CNTN5: variants seen among roughly 807,000 people sequenced by gnomAD.
CNTN5 encodes contactin 5, also known as contactin-5.
Under a neutral mutation model 129.1 loss-of-function variants are expected in CNTN5, and 77 were observed. The observed-to-expected ratio is 0.60, with a 90% CI of 0.50 to 0.72. CNTN5 has a LOEUF of 0.72. Among genes scored for constraint, CNTN5 ranks in the 30% least tolerant of loss-of-function variants. The probability of loss-of-function intolerance (pLI) is 0.00; values close to 1 mark genes in which losing one functional copy is unlikely to be tolerated. For missense variants in CNTN5, 1,478 were observed against 1,328.8 expected, an observed-to-expected ratio of 1.11 and a Z score of -1.75; for synonymous variants, 509 against 465.6, an observed-to-expected ratio of 1.09 and a Z score of -1.20.
At chr11:99,364,163 A>G (rs1274681075) in intron 2 of CNTN5, among the ~76,000 whole-genome samples, 1 of 152,154 alleles carries the variant, frequency 6.6e-6, no homozygotes, top group Non-Finnish European at 1.5e-5. Context: ...TTTATAAATT[A>G]AGATTTTAAT....
intron 3 of CNTN5, among the ~76,000 whole-genome samples, chr11:99,779,649 G>A (rs184460618): frequency 6.6e-6 from 1 of 151,916 alleles, no homozygotes; most frequent in Non-Finnish European, 1.5e-5. Flanking sequence ...GAGGAATAGG[G>A]TTATGATTCT....
At chr11:100,337,257 T>A in intron 21 of CNTN5, 1 of 1,474,314 alleles carries the variant, frequency 6.8e-7, no homozygotes. Context: ...TGAGATCTTT[T>A]CAGAACAAAA....
At chr11:99,561,119 A>G (rs930366220) in intron 3 of CNTN5, among the ~76,000 whole-genome samples, 7 of 152,162 alleles carry the variant, frequency 4.6e-5, no homozygotes, top group African/African-American at 1.7e-4. Context: ...GGGCCAAGAA[A>G]TATATAAATC....
At chr11:99,593,478 A>G (rs1228081277) in intron 3 of CNTN5, among the ~76,000 whole-genome samples, 1 of 152,166 alleles carries the variant, frequency 6.6e-6, no homozygotes, top group East Asian at 1.9e-4. Flanking sequence ...TATTAAAAGT[A>G]TGTATCATCA....
At chr11:100,007,165 A>G (rs1378632998) in intron 9 of CNTN5, among the ~76,000 whole-genome samples, 1 of 152,084 alleles carries the variant, frequency 6.6e-6, no homozygotes, top group Non-Finnish European at 1.5e-5. Context: ...ATGCAGTGTC[A>G]CCAGGCTTTG....
intron 13 of CNTN5, among the ~76,000 whole-genome samples, chr11:100,103,696 G>A (rs978520090): frequency 6.6e-6 from 1 of 152,130 alleles, no homozygotes; most frequent in Non-Finnish European, 1.5e-5. Flanking sequence ...TTGAAGAGAA[G>A]AATCTATTCT....
chr11:99,329,194 T>G (rs565811944), intron 2 of CNTN5, among the ~76,000 whole-genome samples: 68 of 152,174 alleles, frequency 4.5e-4, no homozygotes, highest in African/African-American at 1.6e-3. Context: ...GGAAGAAAAA[T>G]AAGGAATATA....
chr11:99,826,444 G>A (rs772045768), intron 4 of CNTN5, among the ~76,000 whole-genome samples: 25 of 152,038 alleles, frequency 1.6e-4, no homozygotes, highest in Admixed American at 1.1e-3. Context: ...ACACACATAC[G>A]TACACACAAA....
chr11:100,350,877 T>G lies in CNTN5; in HGVS notation c.3199+7T>G. The G allele has an allele frequency of 6.5e-7, 1 of 1,536,386 alleles. No homozygotes were observed. The highest frequency in any genetic ancestry group is 1.4e-5 in the African/African-American group (1 of 72,582). On this transcript the variant is annotated splice_region_variant and intron_variant, in intron 24 of 24. Transcript: ENST00000524871. ...AGGGTACCATCATATTCAGGTAAGTTTTGACACAGTAGATTTAATTTGCTG... is the reference window on the plus strand; with the variant it reads ...AGGGTACCATCATATTCAGGTAAGTGTTGACACAGTAGATTTAATTTGCTG...
intron 13 of CNTN5, among the ~76,000 whole-genome samples, chr11:100,097,227 G>T (rs1043647810): frequency 6.6e-6 from 1 of 151,994 alleles, no homozygotes; most frequent in African/African-American, 2.4e-5. Flanking sequence ...AAGATGGAAG[G>T]AATATTAGAT....
intron 3 of CNTN5, among the ~76,000 whole-genome samples, chr11:99,584,153 A>T (rs1949713561): frequency 6.6e-6 from 1 of 152,232 alleles, no homozygotes. Context: ...TCAATTTGAA[A>T]GTATTAACTT....
chr11:99,368,364 C>T (rs566897141), intron 2 of CNTN5, among the ~76,000 whole-genome samples: 17 of 151,670 alleles, frequency 1.1e-4, no homozygotes, highest in Middle Eastern at 3.4e-3. Flanking sequence ...TTTGGAGTCC[C>T]GGTGTGGTGG....
At chr11:100,236,658 A>G (rs1028844989) in intron 16 of CNTN5, among the ~76,000 whole-genome samples, 1 of 151,982 alleles carries the variant, frequency 6.6e-6, no homozygotes, top group African/African-American at 2.4e-5. Context: ...ACTAGCTGAC[A>G]TGCTCCTATA....
chr11:100,337,948 A>C (rs1315017810), intron 21 of CNTN5, among the ~76,000 whole-genome samples: 1 of 152,238 alleles, frequency 6.6e-6, no homozygotes, highest in Admixed American at 6.5e-5. Context: ...AGAACCAAAG[A>C]AAGTCCCATA....
At chr11:99,524,075 T>C (rs1457622667) in intron 2 of CNTN5, among the ~76,000 whole-genome samples, 3 of 152,114 alleles carry the variant, frequency 2.0e-5, no homozygotes, top group Non-Finnish European at 4.4e-5. Flanking sequence ...TAAATACCTA[T>C]AAAAGTAAAA....
rs776465384 is a variant in CNTN5, at chr11:100,074,138, T to C, written c.1430-6T>C. ...TGGTAGAAACTAACATTTGCTTTTTTAATAGCTTCAGCTCCCACTTTTGCA... is the reference window on the plus strand; with the variant it reads ...TGGTAGAAACTAACATTTGCTTTTTCAATAGCTTCAGCTCCCACTTTTGCA... On this transcript the variant is annotated splice_polypyrimidine_tract_variant and splice_region_variant and intron_variant, in intron 12 of 24. Coordinates refer to ENST00000524871, the MANE Select transcript of CNTN5 (RefSeq NM_014361.4). The C allele has an allele frequency of 8.7e-6, 14 of 1,605,692 alleles. No homozygotes were observed. Among genetic ancestry groups the C allele is most frequent in the Middle Eastern group, 1.7e-4 (1 of 6,008 alleles).
intron 2 of CNTN5, among the ~76,000 whole-genome samples, chr11:99,490,634 G>C (rs1945999521): frequency 1.3e-5 from 2 of 152,156 alleles, no homozygotes; most frequent in Admixed American, 6.6e-5. Context: ...GGTTAGGAGG[G>C]ACAGCCAACA....
chr11:99,119,642 G>A (rs902574909), intron 1 of CNTN5, among the ~76,000 whole-genome samples: 15 of 151,994 alleles, frequency 9.9e-5, no homozygotes, highest in African/African-American at 3.6e-4. Flanking sequence ...TATTCATTTC[G>A]GTATAAACGC....
At chr11:99,992,827 C>T (rs371624804) in intron 8 of CNTN5, among the ~76,000 whole-genome samples, 2 of 152,272 alleles carry the variant, frequency 1.3e-5, no homozygotes, top group African/African-American at 4.8e-5. Context: ...TGGAAGGCTT[C>T]TGTTTATGAG....
Sources: allele counts gnomAD v4.1 joint callset (sites outside exome capture counted in the v4.1 genomes callset), GRCh38; gene constraint gnomAD v4.1.1; transcripts MANE v1.5; gene names NCBI Gene and HGNC (gene_info 2026-07-23, HGNC 2026-07-21).